Variants in ACSM5 observed in about 807,000 individuals in gnomAD.
The protein encoded by ACSM5 is acyl-coenzyme A synthetase ACSM5, mitochondrial.
Under a neutral mutation model 71.6 loss-of-function variants are expected in ACSM5, and 56 were observed. The observed-to-expected ratio is 0.78, with a 90% CI of 0.63 to 0.98. The LOEUF (loss-of-function observed/expected upper bound fraction) is 0.98, where lower values mean the gene tolerates loss of function less well. Among genes scored for constraint, ACSM5 ranks in the 50% least tolerant of loss-of-function variants. The pLI is 0.00. For synonymous variants in ACSM5, 285 were observed against 281.5 expected (o/e 1.01, Z -0.12); for missense variants, 723 against 726.0 (o/e 1.00, Z 0.05).
intron 10 of ACSM5, among the ~76,000 whole-genome samples, chr16:20,431,819 C>T (rs1240034754): frequency 2.6e-5 from 4 of 151,990 alleles, no homozygotes; most frequent in Admixed American, 6.6e-5. Flanking sequence ...GGCATGGTGG[C>T]GCACGCCTCT....
At chr16:20,427,979 C>T (rs1420243989) in intron 7 of ACSM5, 112 bp downstream of exon 7, 1 of 826,528 alleles carries the variant, frequency 1.2e-6, no homozygotes, top group East Asian at 2.4e-5. Flanking sequence ...CTCTGTCTCT[C>T]CCTCTATATA....
intron 8 of ACSM5, among the ~76,000 whole-genome samples, chr16:20,430,652 AAAG>A (rs1001994790): frequency 6.6e-6 from 1 of 151,926 alleles, no homozygotes; most frequent in African/African-American, 2.4e-5. Context: ...AATAGGGAAC[AAAG>A]AAGAAGGGAG....
intron 9 of ACSM5, 32 bp from the exon 10 acceptor site, chr16:20,431,188 C>A (rs35468793): frequency 1.2e-6 from 2 of 1,600,536 alleles, no homozygotes; most frequent in African/African-American, 1.3e-5. Flanking sequence ...TAGACACTCA[C>A]GTATGCACCT....
At chr16:20,426,491 G>A (rs1008363912) in intron 6 of ACSM5, among the ~76,000 whole-genome samples, 1 of 152,044 alleles carries the variant, frequency 6.6e-6, no homozygotes, top group African/African-American at 2.4e-5. Context: ...ATAACTAAAA[G>A]GTGAAAGCAA....
At chr16:20,410,662 G>T (rs1387982940) in intron 1 of ACSM5, among the ~76,000 whole-genome samples, 1 of 152,090 alleles carries the variant, frequency 6.6e-6, no homozygotes, top group African/African-American at 2.4e-5. Flanking sequence ...TGAGTTTGAG[G>T]CTGCAGTGAG....
intron 10 of ACSM5, among the ~76,000 whole-genome samples, chr16:20,435,991 T>C (rs982005781): frequency 5.3e-5 from 8 of 149,562 alleles, no homozygotes; most frequent in Non-Finnish European, 8.9e-5. Flanking sequence ...TCTTTCTTTC[T>C]TTTCTTTCTC....
intron 2 of ACSM5, among the ~76,000 whole-genome samples, chr16:20,416,041 T>C (rs1236511197): frequency 1.3e-5 from 2 of 152,108 alleles, no homozygotes; most frequent in Non-Finnish European, 2.9e-5. Flanking sequence ...GTATAAGGGT[T>C]GTACATGGAA....
intron 6 of ACSM5, among the ~76,000 whole-genome samples, chr16:20,425,771 A>T (rs1966966820): frequency 6.6e-6 from 1 of 151,840 alleles, no homozygotes; most frequent in South Asian, 2.1e-4. Context: ...ATTCCTTTTT[A>T]TGGCTGAGTT....
chr16:20,415,506 G>C (rs1257027077), intron 2 of ACSM5, among the ~76,000 whole-genome samples: 1 of 152,228 alleles, frequency 6.6e-6, no homozygotes, highest in Non-Finnish European at 1.5e-5. Context: ...AGTTTCTTGA[G>C]AATGTTTTAT....
chr16:20,421,325 A>G lies in ACSM5; in HGVS notation c.691A>G (p.Ser231Gly). ...AGACCCGCTGGCCATCTACTTTACCAGCGGAACCACCGGGGCCCCCAAGAT... is the reference window on the plus strand; with the variant it reads ...AGACCCGCTGGCCATCTACTTTACCGGCGGAACCACCGGGGCCCCCAAGAT... ...SRDPLAIYFT[S>G]GTTGAPKMVE... The change falls in exon 5 of 14, where the codon AGC (serine) becomes GGC (glycine). Residue 231 changes from serine to glycine, a missense_variant. Transcript: ENST00000331849. 1 of 1,610,380 alleles carries G rather than the reference A, an allele frequency of 6.2e-7. No homozygotes were observed. Among genetic ancestry groups the G allele is most frequent in the Non-Finnish European group, 8.5e-7 (1 of 1,178,088 alleles).
chr16:20,422,307 T>C (rs1382619041), intron 5 of ACSM5, among the ~76,000 whole-genome samples: 2 of 152,132 alleles, frequency 1.3e-5, no homozygotes, highest in African/African-American at 4.8e-5. Flanking sequence ...AGACCGGGTT[T>C]CACCATGTTG....
chr16:20,422,597 ATT>A, intron 5 of ACSM5, among the ~76,000 whole-genome samples: 1 of 152,102 alleles, frequency 6.6e-6, no homozygotes, highest in East Asian at 1.9e-4. Flanking sequence ...TCTATGTTTA[ATT>A]TTTTTTGAGA....
intron 7 of ACSM5, among the ~76,000 whole-genome samples, chr16:20,428,243 G>T (rs1245823948): frequency 6.6e-6 from 1 of 152,230 alleles, no homozygotes; most frequent in Non-Finnish European, 1.5e-5. Flanking sequence ...TGAGGCGAGA[G>T]AAATGATTGG....
chr16:20,440,242 C>A, intron 13 of ACSM5, 102 bp from the exon 14 acceptor site: 3 of 832,410 alleles, frequency 3.6e-6, no homozygotes, highest in South Asian at 1.6e-5. Flanking sequence ...GAATCAGGGA[C>A]GCTTTCCAAG....
At position 20,418,197 on chromosome 16, in the gene ACSM5, G is replaced by A. The variant is rs760308664; in HGVS notation, c.343G>A (p.Gly115Arg). The A allele has an allele frequency of 3.7e-6, 6 of 1,612,712 alleles. No homozygotes were observed. The highest frequency in any genetic ancestry group is 1.3e-5 in the African/African-American group (1 of 74,844). The change falls in exon 3 of 14, where the codon GGG (glycine) becomes AGG (arginine). Residue 115 changes from glycine (G) to arginine (R), a missense_variant. Coordinates refer to ENST00000331849, the MANE Select transcript of ACSM5 (RefSeq NM_017888.3). ...VLGGACGLQP[G>R]DRMMLVLPRL... ...GGGGGGTGCATGCGGCCTGCAGCCT[G>A]GGGACAGAATGATGCTGGTACTCCC...
intron 3 of ACSM5, among the ~76,000 whole-genome samples, chr16:20,418,751 C>T (rs1444716697): frequency 6.6e-6 from 1 of 152,052 alleles, no homozygotes; most frequent in Non-Finnish European, 1.5e-5. Flanking sequence ...AGAATTTTAC[C>T]CGAACGATGC....
At chr16:20,424,698 C>A (rs1225995727) in intron 6 of ACSM5, among the ~76,000 whole-genome samples, 1 of 152,226 alleles carries the variant, frequency 6.6e-6, no homozygotes, top group African/African-American at 2.4e-5. Flanking sequence ...CTTTGATTCG[C>A]TAGCTGTGTG....
chr16:20,411,925 A>G (rs1890330675), intron 2 of ACSM5: 1 of 534,636 alleles, frequency 1.9e-6, no homozygotes, highest in South Asian at 2.1e-5. Flanking sequence ...AGCCCAAATC[A>G]CACAGTGAGA....
At chr16:20,413,616 A>G (rs1320516150) in intron 2 of ACSM5, among the ~76,000 whole-genome samples, 1 of 152,262 alleles carries the variant, frequency 6.6e-6, no homozygotes, top group Non-Finnish European at 1.5e-5. Context: ...GGAGAATCCA[A>G]TGTCTATGGG....
Sources: gnomAD v4.1 joint callset for allele counts (sites outside exome capture counted in the v4.1 genomes callset) on GRCh38, gnomAD v4.1.1 for gene constraint, MANE v1.5 for transcripts, NCBI Gene and HGNC (gene_info 2026-07-23, HGNC 2026-07-21) for gene names.